TMEM170A: variants seen among roughly 807,000 people sequenced by gnomAD.
The protein encoded by TMEM170A is transmembrane protein 170.
In TMEM170A, 18 loss-of-function variants were observed where a neutral mutation model predicts 12.8. The observed-to-expected ratio is 1.41, with a 90% CI of 0.97 to 2.09. The LOEUF (loss-of-function observed/expected upper bound fraction) is 2.09, where lower values mean the gene tolerates loss of function less well. Ranked by LOEUF, TMEM170A falls within the 30% of genes most tolerant of loss-of-function variation. The pLI is 0.00. For missense variants in TMEM170A, 220 were observed against 179.9 expected (o/e 1.22, Z -1.28); for synonymous variants, 107 against 76.2 (o/e 1.40, Z -2.11).
rs1425628957 is a variant in TMEM170A, at chr16:75,446,234, AACC to A, written c.*1321_*1323del. 1 of 152,088 alleles carries A rather than the reference AACC, an allele frequency of 6.6e-6. No individual in the cohort carries two copies. Among genetic ancestry groups the A allele is most frequent in the Non-Finnish European group, 1.5e-5 (1 of 68,044 alleles). 9.4% of individuals were successfully genotyped at this position (152,088 alleles called of 1,614,324 possible). On this transcript the variant is annotated 3_prime_UTR_variant, in exon 3 of 3. Transcript: ENST00000561878. ...AATCACCAGAAACTATTTTGCAGAT[AACC>A]ACCACCACTACCACCACACTGATTG...
rs1407112802 is a variant in TMEM170A, at chr16:75,446,970, T to C, written c.*588A>G. 6.6e-6 allele frequency: 1 copy of C among 152,230 alleles called. No homozygotes were observed. Among genetic ancestry groups the C allele is most frequent in the African/African-American group, 2.4e-5 (1 of 41,464 alleles). The allele number at this position is 152,230 out of a possible 1,614,324, so 9.4% of individuals were successfully genotyped here. ...TCACATTATTCATTGTTATCTACTT[T>C]TTATTTATAAACAGTGGAACCAAAG... On this transcript the variant is annotated 3_prime_UTR_variant, in exon 3 of 3. Coordinates refer to ENST00000561878, the MANE Select transcript of TMEM170A (RefSeq NM_145254.3).
At position 75,447,466 on chromosome 16, in the gene TMEM170A, T is replaced by C; in HGVS notation, c.*92A>G. ...TCCTGTTCATCCAAGTTGCTTCCCT[T>C]TGAAGAACTAAGAAAACACTACACT... On this transcript the variant is annotated 3_prime_UTR_variant, in exon 3 of 3. Transcript: ENST00000561878. The C allele has an allele frequency of 1.4e-6, 2 of 1,380,762 alleles. No homozygotes were observed. The highest frequency in any genetic ancestry group is 1.9e-6 in the Non-Finnish European group (2 of 1,052,070). 85.5% of individuals were successfully genotyped at this position (1,380,762 alleles called of 1,614,324 possible).
chr16:75,451,888 C>A, intron 1 of TMEM170A, 49 bp from the exon 2 acceptor site: 8 of 1,521,268 alleles, frequency 5.3e-6, no homozygotes, highest in Non-Finnish European at 7.2e-6. Flanking sequence ...CTTCCCAGGA[C>A]AATCATTGCA....
intron 1 of TMEM170A, among the ~76,000 whole-genome samples, chr16:75,462,110 C>T (rs937132229): frequency 6.6e-6 from 1 of 152,198 alleles, no homozygotes; most frequent in African/African-American, 2.4e-5. Flanking sequence ...AATGATCAAA[C>T]TTGGTAGTAA....
rs1280716542 is a variant in TMEM170A, at chr16:75,444,801, A to G, written c.*2757T>C. ...ATTTGAAGATACCTTTTATACGTTTAGTTTTTTAAAAGAGTAGATAACCAA... is the reference window on the plus strand; with the variant it reads ...ATTTGAAGATACCTTTTATACGTTTGGTTTTTTAAAAGAGTAGATAACCAA... On this transcript the variant is annotated 3_prime_UTR_variant, in exon 3 of 3. Transcript: ENST00000561878. 6.6e-6 allele frequency: 1 copy of G among 152,162 alleles called. No individual in the cohort carries two copies. Among genetic ancestry groups the G allele is most frequent in the Non-Finnish European group, 1.5e-5 (1 of 68,016 alleles). The allele number at this position is 152,162 out of a possible 1,614,324, so 9.4% of individuals were successfully genotyped here. A position where few individuals can be genotyped will look rare whatever the true frequency, so the allele number is the denominator to read the frequency against.
rs951906136 is a variant in TMEM170A at position 75,450,667 on chromosome 16, T to C, written c.304+1002A>G. Among the ~76,000 whole-genome samples the C allele has an allele frequency of 5.3e-5, 8 of 152,196 alleles. No homozygotes were observed. In the East Asian group the frequency reaches 5.8e-4, roughly 11 times the overall value. ...GGTACTTTTCTAAGCAAGAATTCTTTTTTTTTCCCCCGGGTCTTGCTCTGT... is the reference window on the plus strand; with the variant it reads ...GGTACTTTTCTAAGCAAGAATTCTTCTTTTTTCCCCCGGGTCTTGCTCTGT... On this transcript the variant is annotated intron_variant, in intron 2 of 2. Transcript: ENST00000561878.
chr16:75,461,603 A>G (rs2151650968), intron 1 of TMEM170A, among the ~76,000 whole-genome samples: 1 of 152,346 alleles, frequency 6.6e-6, no homozygotes, highest in East Asian at 1.9e-4. Context: ...TGGTGTCTCA[A>G]ATAGGATATA....
In TMEM170A at chr16:75,451,784, G is replaced by T; in HGVS notation, c.189C>A (p.Val63=). The change falls in exon 2 of 3, where the codon GTC becomes GTA. Residue 63 remains valine (V), a synonymous_variant. Transcript: ENST00000561878. ...WALVSSLFFH[V]PAGLLALFTL... ...TGAAGAGGGCCAGTAATCCAGCAGG[G>T]ACATGAAAGAAGAGAGAAGACACCA... 2.5e-6 allele frequency: 4 copies of T among 1,613,998 alleles called. No individual in the cohort carries two copies. Among genetic ancestry groups the T allele is most frequent in the Non-Finnish European group, 3.4e-6 (4 of 1,179,994 alleles).
chr16:75,453,117 A>G (rs1456224146), intron 1 of TMEM170A, among the ~76,000 whole-genome samples: 1 of 152,134 alleles, frequency 6.6e-6, no homozygotes, highest in Non-Finnish European at 1.5e-5. Flanking sequence ...GTTCATCTAG[A>G]TTTCAAAATT....
rs1451154783 is a variant in TMEM170A, at chr16:75,447,477, A to T, written c.*81T>A. On this transcript the variant is annotated 3_prime_UTR_variant, in exon 3 of 3. Transcript: ENST00000561878. ...CAAGTTGCTTCCCTTTGAAGAACTA[A>T]GAAAACACTACACTCCATAATGTAT... 2.1e-6 allele frequency: 3 copies of T among 1,436,268 alleles called. No individual in the cohort carries two copies. The East Asian group carries it at 7.5e-5, about 36-fold the overall frequency. The allele number at this position is 1,436,268 out of a possible 1,614,324, so 89.0% of individuals were successfully genotyped here.
At position 75,449,111 on chromosome 16, in the gene TMEM170A, G is replaced by C. The variant is rs181203967; in HGVS notation, c.305-1423C>G. 5.3e-3 allele frequency among the ~76,000 whole-genome samples: 797 copies of C among 151,792 alleles called. 3 individuals carry two copies. Among genetic ancestry groups the C allele is most frequent in the Non-Finnish European group, 9.0e-3 (609 of 67,912 alleles). Reference sequence around the variant, plus strand: ...TAAAAATTTTAAAAAGAAAAGAATAGATCCAGATTTCCCAGATGACCCTCC... The same window carrying C: ...TAAAAATTTTAAAAAGAAAAGAATACATCCAGATTTCCCAGATGACCCTCC... On this transcript the variant is annotated intron_variant, in intron 2 of 2. Transcript: ENST00000561878.
chr16:75,459,659 C>G (rs150963072), intron 1 of TMEM170A, among the ~76,000 whole-genome samples: 1 of 152,054 alleles, frequency 6.6e-6, no homozygotes, highest in African/African-American at 2.4e-5. Context: ...GAGTTCAAGA[C>G]CAGCCTGGCC....
rs1050747552 is a variant in TMEM170A, at chr16:75,443,070, G to A, written c.*4488C>T. ...AATTTCAAGTTCACATGTTAAGTAC[G>A]GTTTAATCACAACTTTGAACAAGAA... On this transcript the variant is annotated 3_prime_UTR_variant, in exon 3 of 3. Coordinates refer to ENST00000561878, the MANE Select transcript of TMEM170A (RefSeq NM_145254.3). 6.6e-6 allele frequency: 1 copy of A among 151,948 alleles called. No homozygotes were observed. The highest frequency in any genetic ancestry group is 1.5e-5 in the Non-Finnish European group (1 of 68,014). The allele number at this position is 151,948 out of a possible 1,614,324, so 9.4% of individuals were successfully genotyped here. A position where few individuals can be genotyped will look rare whatever the true frequency, so the allele number is the denominator to read the frequency against.
chr16:75,459,861 A>C (rs1331120056), intron 1 of TMEM170A: 1 of 152,490 alleles, frequency 6.6e-6, no homozygotes, highest in Non-Finnish European at 1.5e-5. Context: ...CATCTCAAAA[A>C]AAAAAAAAGT....
intron 1 of TMEM170A, among the ~76,000 whole-genome samples, chr16:75,457,438 CCTCT>C (rs764100916): frequency 1.3e-5 from 2 of 151,974 alleles, no homozygotes; most frequent in Admixed American, 1.3e-4. Flanking sequence ...TCTCTTGATA[CCTCT>C]CTCTCTCTGC....
In TMEM170A at chr16:75,447,293, G is replaced by C. The variant is rs905654843; in HGVS notation, c.*265C>G. 5 of 253,422 alleles carry C rather than the reference G, an allele frequency of 2.0e-5. No individual in the cohort carries two copies. The highest frequency in any genetic ancestry group is 4.5e-5 in the African/African-American group (2 of 44,902). The allele number at this position is 253,422 out of a possible 1,614,324, so 15.7% of individuals were successfully genotyped here. ...ACACTGTTGACTTGGCTTGGGTAAA[G>C]GTACACATGAAAACTGCTTAAATCA... On this transcript the variant is annotated 3_prime_UTR_variant, in exon 3 of 3. Transcript: ENST00000561878.
Position 75,446,277 on chromosome 16 carries a change from C to T in TMEM170A, c.*1281G>A, listed in dbSNP as rs373829545. 1.3e-4 allele frequency: 20 copies of T among 151,724 alleles called. 3 individuals are homozygous for T. Among genetic ancestry groups the T allele is most frequent in the Admixed American group, 6.6e-4 (10 of 15,234 alleles). 9.4% of individuals were successfully genotyped at this position (151,724 alleles called of 1,614,324 possible). A position where few individuals can be genotyped will look rare whatever the true frequency, so the allele number is the denominator to read the frequency against. On this transcript the variant is annotated 3_prime_UTR_variant, in exon 3 of 3. Transcript: ENST00000561878. ...CACACTGATTGTATTCCATACAAAA[C>T]AGTTTAGGTGGAAAGGATCACATTA... is the stretch of plus-strand genomic sequence containing the variant.
At chr16:75,463,645 G>A (rs896906669) in intron 1 of TMEM170A, among the ~76,000 whole-genome samples, 3 of 152,226 alleles carry the variant, frequency 2.0e-5, no homozygotes, top group Admixed American at 6.5e-5. Flanking sequence ...TCCCCTTCCA[G>A]GGCCACGGGC....
chr16:75,451,858 A>T lies in TMEM170A; in HGVS notation c.134-19T>A. ...CACATCTCTATGAGGGAAGACAAAG[A>T]AAAGTTGTGAATCACTGCCCTTCCC... On this transcript the variant is annotated intron_variant, in intron 1 of 2. Coordinates refer to ENST00000561878, the MANE Select transcript of TMEM170A (RefSeq NM_145254.3). 1.9e-6 allele frequency: 3 copies of T among 1,591,802 alleles called. No individual in the cohort carries two copies. Among genetic ancestry groups the T allele is most frequent in the Non-Finnish European group, 2.6e-6 (3 of 1,167,608 alleles).
Sources: allele counts gnomAD v4.1 joint callset (sites outside exome capture counted in the v4.1 genomes callset), GRCh38; gene constraint gnomAD v4.1.1; transcripts MANE v1.5; gene names NCBI Gene and HGNC (gene_info 2026-07-23, HGNC 2026-07-21).